The following NRF1 variants were observed in gnomAD, a reference collection of about 807,000 sequenced individuals.
The protein encoded by NRF1 is nuclear respiratory factor 1, also known as alpha palindromic-binding protein.
In NRF1, 5 loss-of-function variants were observed where a neutral mutation model predicts 58.5. That is an observed-to-expected ratio of 0.09 (90% CI 0.04 to 0.18). NRF1 has a LOEUF of 0.18. Among genes scored for constraint, NRF1 ranks in the 10% least tolerant of loss-of-function variants. The probability of loss-of-function intolerance (pLI) is 1.00; values close to 1 mark genes in which losing one functional copy is unlikely to be tolerated. For synonymous variants in NRF1, 224 were observed against 246.7 expected, an observed-to-expected ratio of 0.91 and a Z score of 0.86; for missense variants, 288 against 657.7, an observed-to-expected ratio of 0.44 and a Z score of 6.15.
intron 1 of NRF1, among the ~76,000 whole-genome samples, chr7:129,620,670 G>A (rs931738674): frequency 2.0e-5 from 3 of 152,182 alleles, no homozygotes; most frequent in Non-Finnish European, 2.9e-5. Context: ...ACAGGCATGA[G>A]CCACCGCACT....
chr7:129,720,980 GTA>G (rs1209983228), intron 9 of NRF1, among the ~76,000 whole-genome samples: 22 of 151,862 alleles, frequency 1.4e-4, no homozygotes, highest in Admixed American at 1.4e-3. Context: ...ATTTGTGTGT[GTA>G]TGTGTGTGTA....
intron 10 of NRF1, among the ~76,000 whole-genome samples, chr7:129,729,402 T>C (rs1012029671): frequency 1.6e-4 from 25 of 152,234 alleles, no homozygotes; most frequent in African/African-American, 5.8e-4. Flanking sequence ...ATTTGTGATC[T>C]GGGAAAATTC....
Position 129,755,189 on chromosome 7 carries a change from C to A in NRF1, c.*8C>A. ...GTGACATTGGAACAGTGACATACAG[C>A]CATATTATGGCATCGTTTTCTAGTC... On this transcript the variant is annotated 3_prime_UTR_variant, in exon 11 of 11. Transcript: ENST00000393232. The surrounding 1 kb of genome is among the most constrained non-coding windows in gnomAD (Gnocchi z 5.8). 1 of 1,576,398 alleles carries A rather than the reference C, an allele frequency of 6.3e-7. No homozygotes were observed. The highest frequency in any genetic ancestry group is 8.6e-7 in the Non-Finnish European group (1 of 1,162,184).
chr7:129,642,983 A>G (rs553679322), intron 1 of NRF1, among the ~76,000 whole-genome samples: 1 of 152,040 alleles, frequency 6.6e-6, no homozygotes, highest in Non-Finnish European at 1.5e-5. Context: ...CTGAGAATAC[A>G]CTTTTTAAAC....
chr7:129,750,229 A>G lies in NRF1; in HGVS notation c.1349-4789A>G, dbSNP rs1156641085. Among the ~76,000 whole-genome samples, 3 of 152,312 alleles carry G rather than the reference A, an allele frequency of 2.0e-5. No individual in the cohort carries two copies. The East Asian group carries it at 5.8e-4, about 29-fold the overall frequency. Reference sequence around the variant, plus strand: ...GAAATGACCCAGAATACAAGCTTGGATTAACATGCGCCTCTAGATTAGGGC... The same window carrying G: ...GAAATGACCCAGAATACAAGCTTGGGTTAACATGCGCCTCTAGATTAGGGC... On this transcript the variant is annotated intron_variant, in intron 10 of 10. Coordinates refer to ENST00000393232, the MANE Select transcript of NRF1 (RefSeq NM_005011.5).
chr7:129,659,726 C>G (rs1290186603), intron 2 of NRF1, among the ~76,000 whole-genome samples: 1 of 152,186 alleles, frequency 6.6e-6, no homozygotes, highest in Non-Finnish European at 1.5e-5. Flanking sequence ...CTGCCCCCCT[C>G]TCCCGGAAAT....
At chr7:129,686,479 AT>A (rs1802446181) in intron 4 of NRF1, among the ~76,000 whole-genome samples, 4 of 152,226 alleles carry the variant, frequency 2.6e-5, no homozygotes, top group Admixed American at 2.6e-4. Context: ...CTACATAAAA[AT>A]TTGTTTGATT....
Position 129,711,363 on chromosome 7 carries a change from A to T in NRF1, c.964-112A>T, listed in dbSNP as rs1803068439. 5.8e-6 allele frequency: 4 copies of T among 693,478 alleles called. No individual in the cohort carries two copies. In the Admixed American group the frequency reaches 1.1e-4, roughly 20 times the overall value. The allele number at this position is 693,478 out of a possible 1,614,324, so 43.0% of individuals were successfully genotyped here. On this transcript the variant is annotated intron_variant, in intron 7 of 10. Transcript: ENST00000393232. Reference sequence around the variant, plus strand: ...GATTTTAGATTTCACATCATAAGGCATATTCTTTGTTATCTGTGCTGAATT... The same window carrying T: ...GATTTTAGATTTCACATCATAAGGCTTATTCTTTGTTATCTGTGCTGAATT...
At chr7:129,656,314 G>A (rs1381347144) in intron 1 of NRF1, among the ~76,000 whole-genome samples, 2 of 151,998 alleles carry the variant, frequency 1.3e-5, no homozygotes. Flanking sequence ...GATCTGTTAT[G>A]TTTTGACATG....
chr7:129,613,377 A>G (rs1254195631), intron 1 of NRF1, among the ~76,000 whole-genome samples: 6 of 152,178 alleles, frequency 3.9e-5, no homozygotes, highest in South Asian at 2.1e-4. Flanking sequence ...ACCCCGTAAG[A>G]CAGTGAAAAT....
intron 8 of NRF1, 127 bp downstream of exon 8, chr7:129,711,703 A>G (rs1803078039): frequency 1.5e-6 from 1 of 676,750 alleles, no homozygotes; most frequent in Non-Finnish European, 2.5e-6. Context: ...TTTAAAGAGC[A>G]TGAGACCATG....
At chr7:129,624,060 A>G (rs888305385) in intron 1 of NRF1, among the ~76,000 whole-genome samples, 2 of 152,186 alleles carry the variant, frequency 1.3e-5, no homozygotes, top group African/African-American at 4.8e-5. Context: ...GCCAGATGGT[A>G]TGGTATTTTC....
intron 5 of NRF1, among the ~76,000 whole-genome samples, chr7:129,702,434 T>C (rs1287098867): frequency 6.6e-6 from 1 of 152,138 alleles, no homozygotes; most frequent in Non-Finnish European, 1.5e-5. Context: ...GGAATGTGTT[T>C]TTAGGGAAAA....
chr7:129,677,121 G>A (rs1469683722), intron 3 of NRF1, among the ~76,000 whole-genome samples: 3 of 147,548 alleles, frequency 2.0e-5, no homozygotes, highest in South Asian at 2.1e-4. Flanking sequence ...AGCAATTCTC[G>A]TGCCTCAGCC....
chr7:129,643,418 A>G (rs1339722392), intron 1 of NRF1, among the ~76,000 whole-genome samples: 2 of 152,220 alleles, frequency 1.3e-5, no homozygotes, highest in African/African-American at 2.4e-5. Flanking sequence ...TTATTTTTCC[A>G]TAATGGAAAT....
chr7:129,711,683 AT>A (rs1803077900), intron 8 of NRF1, 107 bp downstream of exon 8: 1 of 814,350 alleles, frequency 1.2e-6, no homozygotes, highest in Non-Finnish European at 1.9e-6. Flanking sequence ...GCACTCTTTC[AT>A]TTAAACCTTT....
chr7:129,675,737 TA>T (rs1306638221), intron 3 of NRF1, among the ~76,000 whole-genome samples: 1 of 152,226 alleles, frequency 6.6e-6, no homozygotes, highest in African/African-American at 2.4e-5. Flanking sequence ...TAAACAGATG[TA>T]CTGCCATCCA....
At chr7:129,717,453 A>G (rs1216283692) in intron 9 of NRF1, 77 bp downstream of exon 9, 3 of 1,461,732 alleles carry the variant, frequency 2.1e-6, no homozygotes, top group African/African-American at 2.9e-5. Flanking sequence ...CCTTAAAGAG[A>G]AATGTGTCTC....
chr7:129,737,567 C>T (rs1286536237), intron 10 of NRF1, among the ~76,000 whole-genome samples: 1 of 142,686 alleles, frequency 7.0e-6, no homozygotes. Context: ...AAACACATCT[C>T]CTTCCACCTT....
Sources: gnomAD v4.1 joint callset for allele counts (sites outside exome capture counted in the v4.1 genomes callset) on GRCh38, gnomAD v4.1.1 for gene constraint, Gnocchi (gnomAD v3.1) non-coding constraint, MANE v1.5 for transcripts, NCBI Gene and HGNC (gene_info 2026-07-23, HGNC 2026-07-21) for gene names.